Variants in ZBTB7C observed in about 807,000 individuals in gnomAD.
The protein encoded by ZBTB7C is zinc finger and BTB domain-containing protein 7C.
A neutral mutation model predicts 25.7 loss-of-function variants in ZBTB7C; 8 were observed. The observed-to-expected ratio is 0.31, with a 90% CI of 0.18 to 0.56. The LOEUF is 0.56. Ranked by LOEUF, ZBTB7C falls within the 20% of genes least tolerant of loss-of-function variation. The pLI is 0.91. For missense variants in ZBTB7C, 824 were observed against 855.2 expected (o/e 0.96, Z 0.46); for synonymous variants, 394 against 369.0 (o/e 1.07, Z -0.78).
chr18:48,154,475 T>C (rs11663174), intron 3 of ZBTB7C, among the ~76,000 whole-genome samples: 60,642 of 152,124 alleles, frequency 0.4, 13,594 homozygotes, highest in East Asian at 0.54. Context: ...AGACCAAGCC[T>C]ATAGCTGCCG....
At chr18:48,152,365 A>G (rs1192013590) in intron 3 of ZBTB7C, among the ~76,000 whole-genome samples, 1 of 152,230 alleles carries the variant, frequency 6.6e-6, no homozygotes, top group African/African-American at 2.4e-5. Flanking sequence ...GTTGTTGACT[A>G]GAACTATAAT....
At chr18:48,127,019 G>A (rs1319451511) in intron 3 of ZBTB7C, among the ~76,000 whole-genome samples, 1 of 152,156 alleles carries the variant, frequency 6.6e-6, no homozygotes, top group Non-Finnish European at 1.5e-5. Context: ...GCTCAGTGAA[G>A]GTTCTGTGTA....
At chr18:48,161,871 G>A (rs1018143892) in intron 3 of ZBTB7C, among the ~76,000 whole-genome samples, 1 of 151,850 alleles carries the variant, frequency 6.6e-6, no homozygotes, top group South Asian at 2.1e-4. Context: ...CGCGGCCGCA[G>A]CCTGTTTCCC....
chr18:48,351,775 T>A (rs2046868109), intron 1 of ZBTB7C, among the ~76,000 whole-genome samples: 1 of 152,188 alleles, frequency 6.6e-6, no homozygotes, highest in Non-Finnish European at 1.5e-5. Context: ...GAGCCAGGCC[T>A]ACGGAACCCA....
intron 3 of ZBTB7C, among the ~76,000 whole-genome samples, chr18:48,051,163 G>A (rs1362229182): frequency 1.3e-5 from 2 of 152,194 alleles, no homozygotes; most frequent in African/African-American, 4.8e-5. Context: ...GATTTTATCA[G>A]AACAAGGTCT....
At chr18:48,312,052 C>A (rs775585687) in intron 2 of ZBTB7C, among the ~76,000 whole-genome samples, 1 of 152,204 alleles carries the variant, frequency 6.6e-6, no homozygotes, top group Admixed American at 6.5e-5. Flanking sequence ...CGGTCTGACC[C>A]CCTTAGAAGG....
chr18:48,283,271 G>A (rs1283827011), intron 2 of ZBTB7C, among the ~76,000 whole-genome samples: 2 of 152,124 alleles, frequency 1.3e-5, no homozygotes, highest in Non-Finnish European at 2.9e-5. Flanking sequence ...CCTAAATGTT[G>A]AGCAAATGTA....
intron 3 of ZBTB7C, among the ~76,000 whole-genome samples, chr18:48,061,019 T>A (rs1404158232): frequency 6.6e-6 from 1 of 152,030 alleles, no homozygotes; most frequent in African/African-American, 2.4e-5. Flanking sequence ...GGGGTGGGAT[T>A]GGACAGTGGT....
chr18:48,112,722 A>G (rs1363169775), intron 3 of ZBTB7C, among the ~76,000 whole-genome samples: 1 of 152,208 alleles, frequency 6.6e-6, no homozygotes, highest in Non-Finnish European at 1.5e-5. Context: ...AAAAATGGTT[A>G]CAAAGTATAT....
chr18:48,400,536 G>A (rs1047818398), intron 1 of ZBTB7C, among the ~76,000 whole-genome samples: 7 of 152,128 alleles, frequency 4.6e-5, no homozygotes, highest in African/African-American at 1.2e-4. Context: ...TCCCCACCTA[G>A]AGGCCCTGCT....
At chr18:48,371,246 C>T (rs867813693) in intron 1 of ZBTB7C, among the ~76,000 whole-genome samples, 7 of 152,214 alleles carry the variant, frequency 4.6e-5, no homozygotes, top group African/African-American at 1.7e-4. Flanking sequence ...CTTCTAGAAA[C>T]TCCTCATAAG....
At chr18:48,360,841 G>A (rs866137824) in intron 1 of ZBTB7C, among the ~76,000 whole-genome samples, 27 of 152,148 alleles carry the variant, frequency 1.8e-4, no homozygotes, top group African/African-American at 5.8e-4. Context: ...GTGGTGGGTC[G>A]CTGGCGGAAG....
At chr18:48,220,635 G>A (rs1260323521) in intron 2 of ZBTB7C, among the ~76,000 whole-genome samples, 1 of 152,144 alleles carries the variant, frequency 6.6e-6, no homozygotes, top group Admixed American at 6.5e-5. Flanking sequence ...CAGATAAGCA[G>A]GGTCTCTGCC....
chr18:48,251,923 C>A (rs1253286090), intron 2 of ZBTB7C, among the ~76,000 whole-genome samples: 1 of 152,152 alleles, frequency 6.6e-6, no homozygotes, highest in Non-Finnish European at 1.5e-5. Context: ...GCCTATTAAA[C>A]CTCTGCTCTT....
chr18:48,351,703 A>C (rs1413212412), intron 1 of ZBTB7C, among the ~76,000 whole-genome samples: 1 of 152,206 alleles, frequency 6.6e-6, no homozygotes, highest in African/African-American at 2.4e-5. Context: ...AAGTTAAATC[A>C]CTTATTCAGG....
chr18:48,267,715 C>T (rs971405398), intron 2 of ZBTB7C, among the ~76,000 whole-genome samples: 1 of 152,102 alleles, frequency 6.6e-6, no homozygotes, highest in Non-Finnish European at 1.5e-5. Flanking sequence ...AGGGTGGAGC[C>T]CTCCTGAATG....
intron 2 of ZBTB7C, among the ~76,000 whole-genome samples, chr18:48,319,816 C>T (rs572191241): frequency 1.3e-5 from 2 of 152,108 alleles, no homozygotes; most frequent in South Asian, 4.2e-4. Context: ...ATAAAGGCAG[C>T]CCACACACAG....
intron 3 of ZBTB7C, among the ~76,000 whole-genome samples, chr18:48,044,197 C>A (rs1246396089): frequency 6.6e-6 from 1 of 152,210 alleles, no homozygotes; most frequent in Non-Finnish European, 1.5e-5. Context: ...ACCATACCCA[C>A]CCAGATCCCT....
intron 2 of ZBTB7C, among the ~76,000 whole-genome samples, chr18:48,246,541 C>T (rs554016777): frequency 7.5e-4 from 114 of 151,910 alleles, no homozygotes; most frequent in African/African-American, 2.7e-3. Flanking sequence ...AAAAAACACA[C>T]TTTTTTTCTA....
Sources: allele counts gnomAD v4.1 joint callset (sites outside exome capture counted in the v4.1 genomes callset), GRCh38; gene constraint gnomAD v4.1.1; transcripts MANE v1.5; gene names NCBI Gene and HGNC (gene_info 2026-07-23, HGNC 2026-07-21).